ITPK1: variants seen among roughly 807,000 people sequenced by gnomAD.
The protein encoded by ITPK1 is inositol 1,3,4-trisphosphate 5/6-kinase.
Under a neutral mutation model 45.3 loss-of-function variants are expected in ITPK1, and 21 were observed. That is an observed-to-expected ratio of 0.46 (90% CI 0.33 to 0.67). The LOEUF (loss-of-function observed/expected upper bound fraction) is 0.67, where lower values mean the gene tolerates loss of function less well. ITPK1 is among the 30% of genes least tolerant of loss of function. ITPK1 has a pLI of 0.02. For missense variants in ITPK1, 474 were observed against 573.5 expected (o/e 0.83, Z 1.77); for synonymous variants, 258 against 253.6 (o/e 1.02, Z -0.16).
chr14:92,968,561 C>T (rs980391730), intron 5 of ITPK1, among the ~76,000 whole-genome samples: 1 of 152,136 alleles, frequency 6.6e-6, no homozygotes. Flanking sequence ...ACAAGGGGAG[C>T]CCATCTTCCT....
intron 4 of ITPK1, 66 bp from the exon 5 acceptor site, chr14:92,994,063 G>A (rs1414430168): frequency 8.9e-6 from 9 of 1,006,436 alleles, no homozygotes; most frequent in South Asian, 3.8e-5. Context: ...CACCCCTCGC[G>A]CCCTCTGCAC....
intron 5 of ITPK1, among the ~76,000 whole-genome samples, chr14:92,976,113 GAC>G (rs1465445288): frequency 6.6e-6 from 1 of 152,164 alleles, no homozygotes; most frequent in African/African-American, 2.4e-5. Context: ...CTTTATAAAT[GAC>G]ACAGTCTTGG....
intron 3 of ITPK1, among the ~76,000 whole-genome samples, chr14:93,024,568 A>T (rs1014855280): frequency 2.0e-5 from 3 of 152,184 alleles, no homozygotes; most frequent in African/African-American, 7.2e-5. Context: ...GCCTCAGCGG[A>T]GGCCTTTCTG....
chr14:93,109,842 G>A (rs1283898679), intron 2 of ITPK1, among the ~76,000 whole-genome samples: 3 of 152,152 alleles, frequency 2.0e-5, no homozygotes, highest in Non-Finnish European at 4.4e-5. Flanking sequence ...GGCCTTCAGG[G>A]TGACTTGCAA....
intron 3 of ITPK1, among the ~76,000 whole-genome samples, chr14:93,023,304 A>G (rs563185091): frequency 2.6e-5 from 4 of 152,370 alleles, no homozygotes; most frequent in Admixed American, 2.0e-4. Flanking sequence ...TTTCCTGGGC[A>G]GAGCATGTAA....
In ITPK1 at chr14:92,940,167, G is replaced by C; in HGVS notation, c.*1394C>G. ...ATGCACTGGCTCGGGGGCCTCTCTCGGGACACTCAGCACTTTCTCTAGCGT... is the reference window on the plus strand; with the variant it reads ...ATGCACTGGCTCGGGGGCCTCTCTCCGGACACTCAGCACTTTCTCTAGCGT... On this transcript the variant is annotated 3_prime_UTR_variant, in exon 11 of 11. Coordinates refer to ENST00000267615, the MANE Select transcript of ITPK1 (RefSeq NM_014216.6). 1.0e-6 allele frequency: 1 copy of C among 985,692 alleles called. No homozygotes were observed. The highest frequency in any genetic ancestry group is 1.2e-6 in the Non-Finnish European group (1 of 830,094). 61.1% of individuals were successfully genotyped at this position (985,692 alleles called of 1,614,324 possible).
chr14:93,105,213 A>G (rs1486277660), intron 2 of ITPK1, among the ~76,000 whole-genome samples: 1 of 152,154 alleles, frequency 6.6e-6, no homozygotes, highest in Non-Finnish European at 1.5e-5. Flanking sequence ...CAGTGAGCTC[A>G]GGGTACAGAG....
At position 92,939,586 on chromosome 14, in the gene ITPK1, C is replaced by T. The variant is rs975638815; in HGVS notation, c.*1975G>A. ...AAAATGCAGCTGCCCTGCACACCCA[C>T]AGCCCCGCCCCCGCCCCACCACGGA... On this transcript the variant is annotated 3_prime_UTR_variant, in exon 11 of 11. Transcript: ENST00000267615. 3.1e-5 allele frequency: 21 copies of T among 683,110 alleles called. No homozygotes were observed. The highest frequency in any genetic ancestry group is 3.6e-5 in the Non-Finnish European group (20 of 553,756). The allele number at this position is 683,110 out of a possible 1,614,324, so 42.3% of individuals were successfully genotyped here. A position where few individuals can be genotyped will look rare whatever the true frequency, so the allele number is the denominator to read the frequency against.
chr14:93,115,119 G>T lies in ITPK1; in HGVS notation c.45C>A (p.Ser15Arg), dbSNP rs1228691745. 1 of 1,602,032 alleles carries T rather than the reference G, an allele frequency of 6.2e-7. No individual in the cohort carries two copies. The highest frequency in any genetic ancestry group is 1.7e-4 in the Middle Eastern group (1 of 6,032). ...LKGKRVGYWL[S>R]EKKIKKLNFQ... ...AATTCAGCTTCTTGATTTTCTTCTCGCTCAGCCAGTAGCCAACTCTCTTCC... is the reference window on the plus strand; with the variant it reads ...AATTCAGCTTCTTGATTTTCTTCTCTCTCAGCCAGTAGCCAACTCTCTTCC... The change falls in exon 2 of 11, where the codon AGC (serine) becomes AGA (arginine). Residue 15 changes from serine (S) to arginine (R), a missense_variant. Ser to Arg is a moderately radical substitution (Grantham distance 110). This residue lies in a region of ITPK1 where 367 missense variants were observed against 480.6 expected (regional missense o/e 0.76). Transcript: ENST00000267615.
intron 2 of ITPK1, among the ~76,000 whole-genome samples, chr14:93,100,120 G>A (rs1442598150): frequency 1.3e-5 from 2 of 152,344 alleles, no homozygotes; most frequent in South Asian, 2.1e-4. Context: ...CCATGTAGAA[G>A]GGAATGAGGC....
chr14:93,040,072 T>C (rs987683467), intron 3 of ITPK1, among the ~76,000 whole-genome samples: 2 of 152,260 alleles, frequency 1.3e-5, no homozygotes, highest in African/African-American at 2.4e-5. Context: ...CCAGTGCCAC[T>C]TCTATTAATT....
intron 3 of ITPK1, among the ~76,000 whole-genome samples, chr14:93,023,471 C>T (rs1463315314): frequency 6.6e-6 from 1 of 152,192 alleles, no homozygotes; most frequent in Admixed American, 6.5e-5. Context: ...GAATAACCCA[C>T]GGTTTTCAGC....
intron 5 of ITPK1, among the ~76,000 whole-genome samples, chr14:92,967,892 C>T (rs1350816854): frequency 6.6e-6 from 1 of 152,148 alleles, no homozygotes; most frequent in Non-Finnish European, 1.5e-5. Flanking sequence ...TAATGGTTGA[C>T]AGGAGCTGGG....
At chr14:93,035,521 G>A (rs1247221584) in intron 3 of ITPK1, among the ~76,000 whole-genome samples, 1 of 150,288 alleles carries the variant, frequency 6.7e-6, no homozygotes, top group Non-Finnish European at 1.5e-5. Context: ...TGGAAATTCT[G>A]CACTGAGAAG....
At chr14:92,997,673 G>A (rs12586382) in intron 4 of ITPK1, among the ~76,000 whole-genome samples, 16,913 of 152,200 alleles carry the variant, frequency 0.11, 1,266 homozygotes, top group East Asian at 0.31. Flanking sequence ...GAAGGGCAGC[G>A]CCGTCTCCAT....
At chr14:93,026,221 G>A (rs952312652) in intron 3 of ITPK1, among the ~76,000 whole-genome samples, 5 of 152,134 alleles carry the variant, frequency 3.3e-5, no homozygotes, top group South Asian at 2.1e-4. Context: ...GGAACACCAC[G>A]TATTATATTT....
intron 5 of ITPK1, among the ~76,000 whole-genome samples, chr14:92,976,338 T>C (rs1190874762): frequency 6.6e-6 from 1 of 152,172 alleles, no homozygotes; most frequent in East Asian, 1.9e-4. Flanking sequence ...AAATAGAATA[T>C]GGACTCTGGA....
At chr14:93,071,072 C>T (rs1890981605) in intron 3 of ITPK1, 1 of 153,868 alleles carries the variant, frequency 6.5e-6, no homozygotes, top group Non-Finnish European at 1.5e-5. Context: ...TACACTCTTC[C>T]CTTGTCCTGC....
intron 5 of ITPK1, among the ~76,000 whole-genome samples, chr14:92,985,929 A>G (rs531287229): frequency 6.6e-6 from 1 of 152,302 alleles, no homozygotes; most frequent in Admixed American, 6.5e-5. Flanking sequence ...GCTGGGGCTC[A>G]ATGCAGTTAA....
Sources: allele counts gnomAD v4.1 joint callset (sites outside exome capture counted in the v4.1 genomes callset), GRCh38; gene constraint gnomAD v4.1.1; regional missense constraint gnomAD v4.1.1; transcripts MANE v1.5; gene names NCBI Gene and HGNC (gene_info 2026-07-23, HGNC 2026-07-21).